The following ERC2 variants were observed in gnomAD, a reference collection of about 807,000 sequenced individuals.
The protein encoded by ERC2 is ERC protein 2.
A neutral mutation model predicts 114.8 loss-of-function variants in ERC2; 42 were observed. That is an observed-to-expected ratio of 0.37 (90% confidence interval 0.29 to 0.47). The LOEUF is 0.47. ERC2 is among the 20% of genes least tolerant of loss of function. The probability of loss-of-function intolerance (pLI) is 0.99; values close to 1 mark genes in which losing one functional copy is unlikely to be tolerated. For missense variants in ERC2, 939 were observed against 1,150.7 expected (o/e 0.82, Z 2.66); for synonymous variants, 454 against 425.5 (o/e 1.07, Z -0.82).
At chr3:56,012,124 G>A (rs2072988550) in intron 8 of ERC2, among the ~76,000 whole-genome samples, 1 of 152,124 alleles carries the variant, frequency 6.6e-6, no homozygotes, top group South Asian at 2.1e-4. Context: ...AATGGTGAGT[G>A]GATGACTATG....
At chr3:56,406,426 C>T (rs2060730871) in intron 2 of ERC2, among the ~76,000 whole-genome samples, 1 of 152,088 alleles carries the variant, frequency 6.6e-6, no homozygotes, top group Admixed American at 6.5e-5. Context: ...ACAAAGGGGT[C>T]GAGGTAGAAT....
chr3:56,224,790 A>G (rs551604346), intron 3 of ERC2, among the ~76,000 whole-genome samples: 1 of 152,302 alleles, frequency 6.6e-6, no homozygotes, highest in East Asian at 1.9e-4. Flanking sequence ...GGAGGCCCCA[A>G]GAGATACTAA....
rs1553713971 is a variant in ERC2, at chr3:55,589,240, A to AGAGG, written c.*40-77965_*40-77964insCCTC. 7.4e-4 allele frequency among the ~76,000 whole-genome samples: 106 copies of AGAGG among 143,800 alleles called. No homozygotes were observed. The Middle Eastern group carries it at 0.018, about 24-fold the overall frequency. The allele number at this position is 143,800 out of a possible 152,430, so 94.3% of individuals were successfully genotyped here. On this transcript the variant is annotated intron_variant, in intron 17 of 17. Transcript: ENST00000288221. ...CAAAAAAAAAAAAAAAAAAAGAGAG[A>AGAGG]GAGAGAAGGAGGTAAAATCATCAAC...
chr3:55,807,568 T>C (rs960321333), intron 14 of ERC2, among the ~76,000 whole-genome samples: 2 of 152,082 alleles, frequency 1.3e-5, no homozygotes, highest in African/African-American at 4.8e-5. Context: ...AGTATACAAG[T>C]GGGTGTGGCT....
At chr3:56,263,726 A>C (rs2053100050) in intron 3 of ERC2, among the ~76,000 whole-genome samples, 1 of 152,206 alleles carries the variant, frequency 6.6e-6, no homozygotes. Flanking sequence ...GAATTCTACC[A>C]AACATTAAAA....
intron 17 of ERC2, among the ~76,000 whole-genome samples, chr3:55,663,229 A>G (rs1235605953): frequency 1.3e-5 from 2 of 152,246 alleles, no homozygotes; most frequent in Non-Finnish European, 2.9e-5. Flanking sequence ...AAATTCCCCA[A>G]AAAACAGACC....
intron 3 of ERC2, among the ~76,000 whole-genome samples, chr3:56,225,197 T>C (rs1439712319): frequency 6.6e-6 from 1 of 151,936 alleles, no homozygotes; most frequent in Non-Finnish European, 1.5e-5. Flanking sequence ...GTTAACTGTT[T>C]CAAAAGGATC....
intron 14 of ERC2, among the ~76,000 whole-genome samples, chr3:55,774,696 C>T (rs942335068): frequency 1.3e-5 from 2 of 152,214 alleles, no homozygotes; most frequent in Non-Finnish European, 2.9e-5. Flanking sequence ...TGGCCTGGCC[C>T]TTTTGGGTGA....
intron 14 of ERC2, among the ~76,000 whole-genome samples, chr3:55,805,523 C>A (rs371692256): frequency 6.6e-6 from 1 of 151,500 alleles, no homozygotes; most frequent in Non-Finnish European, 1.5e-5. Context: ...GAATGATTGA[C>A]GAGTCCCACC....
At chr3:56,237,135 A>G (rs2051001096) in intron 3 of ERC2, among the ~76,000 whole-genome samples, 2 of 152,128 alleles carry the variant, frequency 1.3e-5, no homozygotes, top group Admixed American at 1.3e-4. Flanking sequence ...ACTTCCATTC[A>G]CAGACTCCCC....
chr3:55,939,160 T>A (rs1367543559), intron 13 of ERC2, among the ~76,000 whole-genome samples: 1 of 152,264 alleles, frequency 6.6e-6, no homozygotes, highest in Non-Finnish European at 1.5e-5. Flanking sequence ...TTAATCATTA[T>A]AACAGAGCTG....
chr3:55,785,247 A>T (rs901474009), intron 14 of ERC2, among the ~76,000 whole-genome samples: 1 of 152,240 alleles, frequency 6.6e-6, no homozygotes, highest in Non-Finnish European at 1.5e-5. Context: ...CTTCCTGCTT[A>T]GCCTTTGAGT....
chr3:55,666,806 GC>G (rs1330639264), intron 17 of ERC2, among the ~76,000 whole-genome samples: 1 of 152,196 alleles, frequency 6.6e-6, no homozygotes, highest in East Asian at 1.9e-4. Flanking sequence ...GAGGCAAACT[GC>G]CCACTTCTCA....
At chr3:55,950,361 G>T (rs2067413993) in intron 13 of ERC2, 64 bp downstream of exon 13, 1 of 1,586,466 alleles carries the variant, frequency 6.3e-7, no homozygotes, top group South Asian at 1.1e-5. Flanking sequence ...GGCACCAATG[G>T]TGACATTTCT....
intron 2 of ERC2, among the ~76,000 whole-genome samples, chr3:56,405,887 C>CCT (rs1340177472): frequency 9.4e-5 from 8 of 85,206 alleles, no homozygotes; most frequent in African/African-American, 1.9e-4. Context: ...ACTTTTTTTT[C>CCT]TTTTTTTTTT....
chr3:55,887,267 C>A (rs1383909743), intron 14 of ERC2, among the ~76,000 whole-genome samples: 1 of 152,094 alleles, frequency 6.6e-6, no homozygotes, highest in East Asian at 1.9e-4. Flanking sequence ...GAAAAAAACC[C>A]TATTTATTCT....
intron 14 of ERC2, among the ~76,000 whole-genome samples, chr3:55,736,526 T>G (rs1226604402): frequency 1.3e-5 from 2 of 152,170 alleles, no homozygotes; most frequent in African/African-American, 4.8e-5. Flanking sequence ...TCTTTGCCAT[T>G]TGATAGCATC....
intron 2 of ERC2, among the ~76,000 whole-genome samples, chr3:56,305,134 T>C (rs1331446965): frequency 6.6e-6 from 1 of 151,986 alleles, no homozygotes; most frequent in African/African-American, 2.4e-5. Context: ...TATTTCCTTA[T>C]CAGCAGGGCA....
intron 2 of ERC2, among the ~76,000 whole-genome samples, chr3:56,330,696 T>C (rs920294467): frequency 1.3e-5 from 2 of 152,006 alleles, no homozygotes; most frequent in East Asian, 1.9e-4. Flanking sequence ...AAATGCACAA[T>C]GGAGCATTTT....
Sources: allele counts gnomAD v4.1 joint callset (sites outside exome capture counted in the v4.1 genomes callset), GRCh38; gene constraint gnomAD v4.1.1; transcripts MANE v1.5; gene names NCBI Gene and HGNC (gene_info 2026-07-23, HGNC 2026-07-21).